Variants in SLC25A26 observed in about 807,000 individuals in gnomAD.
SLC25A26 encodes the protein mitochondrial S-adenosylmethionine carrier protein.
In SLC25A26, 36 loss-of-function variants were observed where a neutral mutation model predicts 37.8. That is an observed-to-expected ratio of 0.95 (90% confidence interval 0.73 to 1.26). The LOEUF is 1.26. Among genes scored for constraint, SLC25A26 ranks in the 50% most tolerant of loss-of-function variants. The pLI, the probability that SLC25A26 is intolerant of heterozygous loss-of-function variation, is 0.00. For missense variants in SLC25A26, 390 were observed against 331.1 expected (o/e 1.18, Z -1.38); for synonymous variants, 129 against 122.5 (o/e 1.05, Z -0.35).
At chr3:66,181,122 T>G (rs2070697678) in intron 1 of SLC25A26, among the ~76,000 whole-genome samples, 1 of 152,200 alleles carries the variant, frequency 6.6e-6, no homozygotes, top group Non-Finnish European at 1.5e-5. Context: ...TTAAGCTGCT[T>G]GGTCTGTGGT....
intron 6 of SLC25A26, among the ~76,000 whole-genome samples, chr3:66,361,095 A>T (rs937183027): frequency 6.6e-6 from 1 of 152,236 alleles, no homozygotes; most frequent in African/African-American, 2.4e-5. Context: ...ACCCACACAT[A>T]TGTGGACAAT....
intron 3 of SLC25A26, among the ~76,000 whole-genome samples, chr3:66,246,368 C>CA (rs1559612572): frequency 6.6e-6 from 1 of 151,874 alleles, no homozygotes; most frequent in African/African-American, 2.4e-5. Context: ...ACTTTCAGTC[C>CA]AAAAAAATAG....
chr3:66,281,251 C>T (rs1246475586), intron 5 of SLC25A26, among the ~76,000 whole-genome samples: 1 of 152,172 alleles, frequency 6.6e-6, no homozygotes, highest in Non-Finnish European at 1.5e-5. Flanking sequence ...AAAAGTCTTA[C>T]ACTTGGTGAG....
chr3:66,293,307 C>G (rs1240205750), intron 5 of SLC25A26: 1 of 152,026 alleles, frequency 6.6e-6, no homozygotes, highest in Non-Finnish European at 1.5e-5. Flanking sequence ...AACATTGAGC[C>G]TGGGCTTTCT....
At chr3:66,201,755 A>T (rs1184454631) in intron 1 of SLC25A26, among the ~76,000 whole-genome samples, 3 of 152,226 alleles carry the variant, frequency 2.0e-5, no homozygotes, top group African/African-American at 7.2e-5. Flanking sequence ...TGTTGCTGAG[A>T]CATTTCTGAG....
At chr3:66,209,150 T>C (rs1371832548) in intron 1 of SLC25A26, among the ~76,000 whole-genome samples, 9 of 82,608 alleles carry the variant, frequency 1.1e-4, no homozygotes, top group Admixed American at 1.9e-4. Flanking sequence ...TATATATATA[T>C]ACCTATACTT....
intron 5 of SLC25A26, among the ~76,000 whole-genome samples, chr3:66,307,245 C>T (rs1333731583): frequency 6.6e-6 from 1 of 152,188 alleles, no homozygotes; most frequent in African/African-American, 2.4e-5. Context: ...TTGCGTTTCT[C>T]TAATGAGCAG....
At chr3:66,190,891 T>C (rs1296127660) in intron 1 of SLC25A26, among the ~76,000 whole-genome samples, 1 of 152,172 alleles carries the variant, frequency 6.6e-6, no homozygotes, top group Non-Finnish European at 1.5e-5. Context: ...GTTCCTCTTA[T>C]CTTGTTCTGA....
At chr3:66,276,061 G>A (rs946381963) in intron 5 of SLC25A26, among the ~76,000 whole-genome samples, 15 of 151,902 alleles carry the variant, frequency 9.9e-5, no homozygotes, top group African/African-American at 3.6e-4. Flanking sequence ...AATAGCAATT[G>A]GAATCATTCA....
intron 1 of SLC25A26, among the ~76,000 whole-genome samples, chr3:66,229,973 G>A (rs2071934225): frequency 6.6e-6 from 1 of 152,180 alleles, no homozygotes; most frequent in Non-Finnish European, 1.5e-5. Flanking sequence ...GGTGGCTGAG[G>A]AATGCTGCGA....
intron 1 of SLC25A26, among the ~76,000 whole-genome samples, chr3:66,202,658 C>T (rs1382197237): frequency 6.6e-6 from 1 of 151,948 alleles, no homozygotes; most frequent in Admixed American, 6.6e-5. Flanking sequence ...AGAACTCCCA[C>T]ACATCTTGGA....
At chr3:66,272,840 G>A (rs903223440) in intron 5 of SLC25A26, among the ~76,000 whole-genome samples, 1 of 152,178 alleles carries the variant, frequency 6.6e-6, no homozygotes, top group Non-Finnish European at 1.5e-5. Context: ...TTGAATAGGA[G>A]TGGTGAGAGA....
chr3:66,252,882 GT>G (rs1239027006), intron 3 of SLC25A26, among the ~76,000 whole-genome samples: 1 of 152,094 alleles, frequency 6.6e-6, no homozygotes, highest in Non-Finnish European at 1.5e-5. Context: ...GAGCACCTCT[GT>G]TTTCTTTTTC....
intron 3 of SLC25A26, among the ~76,000 whole-genome samples, chr3:66,246,193 A>G (rs2072831149): frequency 6.6e-6 from 1 of 152,202 alleles, no homozygotes; most frequent in African/African-American, 2.4e-5. Flanking sequence ...CCTGACACAC[A>G]GTCTCGTTAC....
intron 5 of SLC25A26, among the ~76,000 whole-genome samples, chr3:66,340,162 T>A (rs564733083): frequency 2.0e-5 from 3 of 152,232 alleles, no homozygotes; most frequent in Non-Finnish European, 4.4e-5. Flanking sequence ...TGTTTAACCA[T>A]ATATGTGAAG....
intron 6 of SLC25A26, among the ~76,000 whole-genome samples, chr3:66,360,851 T>C (rs1196162181): frequency 1.3e-5 from 2 of 152,228 alleles, no homozygotes; most frequent in African/African-American, 4.8e-5. Context: ...ATGGGTTTGG[T>C]GCCTCCCAAT....
chr3:66,352,561 A>AT (rs1559730132), intron 6 of SLC25A26, among the ~76,000 whole-genome samples: 2 of 148,312 alleles, frequency 1.3e-5, no homozygotes, highest in Admixed American at 6.7e-5. Flanking sequence ...TTTAATTTTG[A>AT]TTTTTTTCAT....
intron 5 of SLC25A26, among the ~76,000 whole-genome samples, chr3:66,295,784 C>A (rs2074882289): frequency 6.6e-6 from 1 of 151,802 alleles, no homozygotes; most frequent in Non-Finnish European, 1.5e-5. Context: ...AGGTGCAAGC[C>A]ACCGTGCCCG....
At position 66,378,906 on chromosome 3, in the gene SLC25A26, A is replaced by C. The variant is rs1298395524; in HGVS notation, c.*1099A>C. ...ACTGTACCAAAATTTCTATAAATAA[A>C]TAACTTTGTACATAAAAGTAATACT... is the stretch of plus-strand genomic sequence containing the variant. On this transcript the variant is annotated 3_prime_UTR_variant, in exon 10 of 10. Transcript: ENST00000354883. 2.0e-5 allele frequency: 3 copies of C among 152,672 alleles called. No individual in the cohort carries two copies. The East Asian group carries it at 5.8e-4, about 29-fold the overall frequency. 9.5% of individuals were successfully genotyped at this position (152,672 alleles called of 1,614,324 possible). A position where few individuals can be genotyped will look rare whatever the true frequency, so the allele number is the denominator to read the frequency against.
Sources: allele counts gnomAD v4.1 joint callset (sites outside exome capture counted in the v4.1 genomes callset), GRCh38; gene constraint gnomAD v4.1.1; transcripts MANE v1.5; gene names NCBI Gene and HGNC (gene_info 2026-07-23, HGNC 2026-07-21).